HS3ST2: variants seen among roughly 807,000 people sequenced by gnomAD.
HS3ST2 encodes heparan sulfate glucosamine 3-O-sulfotransferase 2.
Under a neutral mutation model 26.3 loss-of-function variants are expected in HS3ST2, and 17 were observed. The observed-to-expected ratio is 0.65, with a 90% confidence interval of 0.44 to 0.97. HS3ST2 has a LOEUF of 0.97. Among genes scored for constraint, HS3ST2 ranks in the 50% least tolerant of loss-of-function variants. HS3ST2 has a pLI of 0.00. For missense variants in HS3ST2, 402 were observed against 501.2 expected (o/e 0.80, Z 1.89); for synonymous variants, 237 against 219.2 (o/e 1.08, Z -0.72).
intron 1 of HS3ST2, among the ~76,000 whole-genome samples, chr16:22,880,097 A>C (rs1188986014): frequency 6.6e-6 from 1 of 151,984 alleles, no homozygotes; most frequent in Non-Finnish European, 1.5e-5. Flanking sequence ...ATAGCTGCTA[A>C]CTCTCCTATC....
chr16:22,829,196 C>G (rs947204810), intron 1 of HS3ST2, among the ~76,000 whole-genome samples: 1 of 152,220 alleles, frequency 6.6e-6, no homozygotes, highest in Admixed American at 6.5e-5. Context: ...AGTGGCCAAG[C>G]TGCAGAGAGC....
chr16:22,874,679 G>C (rs543345364), intron 1 of HS3ST2, among the ~76,000 whole-genome samples: 2 of 152,324 alleles, frequency 1.3e-5, no homozygotes, highest in South Asian at 4.1e-4. Context: ...GCTGGAACCT[G>C]TTACAGTCAA....
chr16:22,906,327 C>T (rs1238032779), intron 1 of HS3ST2, among the ~76,000 whole-genome samples: 1 of 151,510 alleles, frequency 6.6e-6, no homozygotes, highest in Non-Finnish European at 1.5e-5. Flanking sequence ...GCCGAGATTG[C>T]GCCACTGCAC....
chr16:22,901,033 G>A (rs1264319044), intron 1 of HS3ST2, among the ~76,000 whole-genome samples: 1 of 152,188 alleles, frequency 6.6e-6, no homozygotes, highest in Non-Finnish European at 1.5e-5. Flanking sequence ...AAATCAAGTA[G>A]AGAAAGAGGA....
At chr16:22,839,567 G>A (rs1478195799) in intron 1 of HS3ST2, among the ~76,000 whole-genome samples, 3 of 151,940 alleles carry the variant, frequency 2.0e-5, no homozygotes, top group East Asian at 3.9e-4. Context: ...TCTTTCCTGG[G>A]TAGCAGTAAC....
At chr16:22,824,391 CAA>C (rs1308624183) in intron 1 of HS3ST2, among the ~76,000 whole-genome samples, 1 of 151,910 alleles carries the variant, frequency 6.6e-6, no homozygotes. Flanking sequence ...ACTAAGAATA[CAA>C]AAAATTAGCC....
chr16:22,873,323 G>A (rs1009500508), intron 1 of HS3ST2, among the ~76,000 whole-genome samples: 3 of 152,160 alleles, frequency 2.0e-5, no homozygotes, highest in East Asian at 1.9e-4. Flanking sequence ...AGTGGTGGGA[G>A]CAAAGGAAAC....
rs770067797 is a variant in HS3ST2, at chr16:22,819,270, A to AG, written c.485+4175_485+4176insG. On this transcript the variant is annotated intron_variant, in intron 1 of 1. Coordinates refer to ENST00000261374, the MANE Select transcript of HS3ST2 (RefSeq NM_006043.2). ...CACATATCTGGGTGTCAGTCTGCTC[A>AG]CCTGTGAAATGGCAATGATGCCTGA... Among the ~76,000 whole-genome samples the AG allele has an allele frequency of 6.2e-3, 929 of 150,536 alleles. 7 individuals are homozygous for AG. Among genetic ancestry groups the AG allele is most frequent in the Non-Finnish European group, 1.0e-2 (676 of 67,814 alleles).
chr16:22,864,605 T>C (rs1357286200), intron 1 of HS3ST2, among the ~76,000 whole-genome samples: 1 of 151,862 alleles, frequency 6.6e-6, no homozygotes, highest in Non-Finnish European at 1.5e-5. Context: ...CACAGAGAGA[T>C]GGAGAATGAG....
At chr16:22,905,327 G>A (rs967140316) in intron 1 of HS3ST2, among the ~76,000 whole-genome samples, 1 of 152,174 alleles carries the variant, frequency 6.6e-6, no homozygotes, top group African/African-American at 2.4e-5. Context: ...CAAGGGAGCT[G>A]TCCTGTGTTC....
At chr16:22,837,947 C>G (rs1292104608) in intron 1 of HS3ST2, among the ~76,000 whole-genome samples, 2 of 151,792 alleles carry the variant, frequency 1.3e-5, no homozygotes, top group Admixed American at 6.6e-5. Context: ...CATTCATCTA[C>G]TGTTTGTGGC....
At chr16:22,904,011 TAATC>T (rs1271558534) in intron 1 of HS3ST2, among the ~76,000 whole-genome samples, 1 of 152,170 alleles carries the variant, frequency 6.6e-6, no homozygotes, top group African/African-American at 2.4e-5. Context: ...AGTGAAGGAA[TAATC>T]AAACAACTGG....
At chr16:22,901,540 G>A (rs1057382530) in intron 1 of HS3ST2, among the ~76,000 whole-genome samples, 4 of 152,176 alleles carry the variant, frequency 2.6e-5, no homozygotes, top group Non-Finnish European at 4.4e-5. Context: ...AGGGAGGGCA[G>A]GGAGAGAAAT....
intron 1 of HS3ST2, among the ~76,000 whole-genome samples, chr16:22,878,269 C>G (rs1901945279): frequency 6.6e-6 from 1 of 152,154 alleles, no homozygotes; most frequent in South Asian, 2.1e-4. Flanking sequence ...AGAAGTTCAA[C>G]TTTTTAACAG....
intron 1 of HS3ST2, among the ~76,000 whole-genome samples, chr16:22,837,726 ATTG>A (rs955339592): frequency 2.6e-5 from 4 of 151,750 alleles, no homozygotes; most frequent in African/African-American, 7.3e-5. Context: ...TAGTCACAGT[ATTG>A]TTGTTAAGAG....
intron 1 of HS3ST2, chr16:22,833,569 C>T (rs1053844381): frequency 6.3e-6 from 2 of 318,504 alleles, no homozygotes; most frequent in African/African-American, 4.3e-5. Context: ...GAGTCTACTA[C>T]TCTAAAGACT....
At chr16:22,822,879 GA>G (rs1359940643) in intron 1 of HS3ST2, among the ~76,000 whole-genome samples, 2 of 150,782 alleles carry the variant, frequency 1.3e-5, no homozygotes, top group African/African-American at 4.9e-5. Flanking sequence ...AAGAAAGAAA[GA>G]AAAAAAGATA....
chr16:22,892,526 C>T (rs1031205071), intron 1 of HS3ST2, among the ~76,000 whole-genome samples: 8 of 152,138 alleles, frequency 5.3e-5, no homozygotes, highest in African/African-American at 1.9e-4. Context: ...ATTATAATCA[C>T]AGCATAGCAG....
intron 1 of HS3ST2, among the ~76,000 whole-genome samples, chr16:22,830,899 A>G (rs1901158348): frequency 6.6e-6 from 1 of 152,232 alleles, no homozygotes; most frequent in Non-Finnish European, 1.5e-5. Context: ...CTAAAATTGA[A>G]ACTTTATATC....
Sources: gnomAD v4.1 joint callset for allele counts (sites outside exome capture counted in the v4.1 genomes callset) on GRCh38, gnomAD v4.1.1 for gene constraint, MANE v1.5 for transcripts, NCBI Gene and HGNC (gene_info 2026-07-23, HGNC 2026-07-21) for gene names.